MDFIC2: variants seen among roughly 807,000 people sequenced by gnomAD.
MDFIC2 encodes myoD family inhibitor domain-containing protein 2.
intron 2 of MDFIC2, among the ~76,000 whole-genome samples, chr3:70,296,826 G>T (rs527502364): frequency 6.6e-6 from 1 of 152,034 alleles, no homozygotes; most frequent in South Asian, 2.1e-4. Flanking sequence ...TAGCTGGAGT[G>T]GTTTTTTTAA....
chr3:70,256,882 A>G (rs550361763), intron 2 of MDFIC2, among the ~76,000 whole-genome samples: 1 of 152,188 alleles, frequency 6.6e-6, no homozygotes, highest in African/African-American at 2.4e-5. Flanking sequence ...ACTTCTGTAG[A>G]TGGATGCTTG....
chr3:70,300,387 A>T (rs538469903), intron 2 of MDFIC2, among the ~76,000 whole-genome samples: 2 of 152,170 alleles, frequency 1.3e-5, no homozygotes, highest in African/African-American at 4.8e-5. Flanking sequence ...TTTGTGTTTG[A>T]TTCTCTCATT....
At chr3:70,213,166 T>C (rs534031006) in intron 2 of MDFIC2, among the ~76,000 whole-genome samples, 49 of 152,104 alleles carry the variant, frequency 3.2e-4, no homozygotes, top group Non-Finnish European at 5.6e-4. Flanking sequence ...TAGAGACAGG[T>C]TCTTGATATG....
chr3:70,272,575 G>T (rs2106673067), intron 2 of MDFIC2, among the ~76,000 whole-genome samples: 1 of 152,294 alleles, frequency 6.6e-6, no homozygotes. Flanking sequence ...TCCCGTACAG[G>T]TCTTTACGTG....
intron 2 of MDFIC2, among the ~76,000 whole-genome samples, chr3:70,277,095 G>T (rs1028696534): frequency 6.6e-6 from 1 of 152,018 alleles, no homozygotes; most frequent in Non-Finnish European, 1.5e-5. Context: ...TCAATGAGGC[G>T]TGAGAAACAT....
intron 2 of MDFIC2, among the ~76,000 whole-genome samples, chr3:70,309,985 G>C (rs987870806): frequency 1.3e-5 from 2 of 152,106 alleles, no homozygotes; most frequent in Non-Finnish European, 2.9e-5. Flanking sequence ...GACATCTGTA[G>C]CACAGAGTAA....
At chr3:70,258,290 C>A (rs1177039601) in intron 2 of MDFIC2, among the ~76,000 whole-genome samples, 3 of 151,988 alleles carry the variant, frequency 2.0e-5, no homozygotes, top group Admixed American at 1.3e-4. Context: ...AATAAATTGG[C>A]TTTCATCAAA....
intron 2 of MDFIC2, among the ~76,000 whole-genome samples, chr3:70,292,693 T>A (rs1239115552): frequency 6.6e-6 from 1 of 152,104 alleles, no homozygotes; most frequent in Non-Finnish European, 1.5e-5. Context: ...TTTTCTCTTT[T>A]TTGATGTACA....
At chr3:70,292,585 C>A (rs555592691) in intron 2 of MDFIC2, among the ~76,000 whole-genome samples, 1 of 152,182 alleles carries the variant, frequency 6.6e-6, no homozygotes, top group South Asian at 2.1e-4. Context: ...TTATGCCAAA[C>A]TATTTTTTAT....
intron 2 of MDFIC2, among the ~76,000 whole-genome samples, chr3:70,230,261 T>C (rs1327742252): frequency 6.6e-6 from 1 of 152,202 alleles, no homozygotes; most frequent in Admixed American, 6.6e-5. Context: ...TAAACATAGT[T>C]TAACACCACC....
chr3:70,237,806 C>T (rs1701624893), intron 2 of MDFIC2, among the ~76,000 whole-genome samples: 2 of 152,028 alleles, frequency 1.3e-5, no homozygotes, highest in African/African-American at 4.8e-5. Flanking sequence ...ATATTGTGGG[C>T]ATGGACAAAG....
chr3:70,275,102 C>T (rs527814521), intron 2 of MDFIC2, among the ~76,000 whole-genome samples: 65 of 152,234 alleles, frequency 4.3e-4, no homozygotes, highest in Middle Eastern at 3.4e-3. Context: ...AACAGAAGTT[C>T]TTGTGGTCAT....
intron 2 of MDFIC2, among the ~76,000 whole-genome samples, chr3:70,258,555 A>G (rs1267107742): frequency 6.6e-6 from 1 of 152,130 alleles, no homozygotes; most frequent in Non-Finnish European, 1.5e-5. Flanking sequence ...AGTTAGTATG[A>G]TCTGAATTTC....
intron 2 of MDFIC2, chr3:70,291,230 G>A (rs1418707887): frequency 6.6e-6 from 1 of 152,044 alleles, no homozygotes; most frequent in Non-Finnish European, 1.5e-5. Context: ...CCACCTACCA[G>A]CTATTGACCT....
chr3:70,274,819 T>C (rs987930181), intron 2 of MDFIC2, among the ~76,000 whole-genome samples: 4 of 152,192 alleles, frequency 2.6e-5, no homozygotes, highest in Non-Finnish European at 4.4e-5. Context: ...AGGAATATTA[T>C]AAAAACTACT....
At chr3:70,212,618 G>A (rs533076006) in intron 2 of MDFIC2, among the ~76,000 whole-genome samples, 10 of 152,026 alleles carry the variant, frequency 6.6e-5, no homozygotes, top group African/African-American at 2.4e-4. Context: ...GCAGTCATTG[G>A]CTCTGAATAC....
intron 2 of MDFIC2, among the ~76,000 whole-genome samples, chr3:70,296,023 C>T (rs879651627): frequency 1.2e-4 from 19 of 152,154 alleles, no homozygotes; most frequent in Non-Finnish European, 2.8e-4. Flanking sequence ...GGCTAACATG[C>T]ATTAACTTGT....
chr3:70,287,775 GT>G (rs1414410495), intron 2 of MDFIC2, among the ~76,000 whole-genome samples: 1 of 151,006 alleles, frequency 6.6e-6, no homozygotes. Context: ...CTTCTTCCTG[GT>G]TTAGTCTTGG....
intron 2 of MDFIC2, among the ~76,000 whole-genome samples, chr3:70,215,079 A>G (rs2106732296): frequency 6.6e-6 from 1 of 152,222 alleles, no homozygotes; most frequent in Middle Eastern, 3.4e-3. Flanking sequence ...AATATTCTCT[A>G]TTATGTTAAA....
Sources: gnomAD v4.1 joint callset for allele counts (sites outside exome capture counted in the v4.1 genomes callset) on GRCh38, gnomAD v4.1.1 for gene constraint, MANE v1.5 for transcripts, NCBI Gene and HGNC (gene_info 2026-07-23, HGNC 2026-07-21) for gene names.